The following KIAA1671 variants were observed in gnomAD, a reference collection of about 807,000 sequenced individuals.
KIAA1671 encodes the protein KIAA1671.
Under a neutral mutation model 131.2 loss-of-function variants are expected in KIAA1671, and 52 were observed. That is an observed-to-expected ratio of 0.40 (90% CI 0.32 to 0.50). The LOEUF (loss-of-function observed/expected upper bound fraction) is 0.50, where lower values mean the gene tolerates loss of function less well. Among genes scored for constraint, KIAA1671 ranks in the 20% least tolerant of loss-of-function variants. The pLI is 0.73. For synonymous variants in KIAA1671, 1,003 were observed against 961.6 expected (o/e 1.04, Z -0.80); for missense variants, 2,360 against 2,364.2 (o/e 1.00, Z 0.04).
intron 9 of KIAA1671, among the ~76,000 whole-genome samples, chr22:25,178,157 GC>G (rs920574672): frequency 6.2e-4 from 94 of 152,282 alleles, no homozygotes; most frequent in African/African-American, 2.1e-3. Context: ...TACAAAGACA[GC>G]CTCCCCCACC....
intron 6 of KIAA1671, among the ~76,000 whole-genome samples, chr22:25,166,404 A>G (rs551101403): frequency 2.0e-5 from 3 of 152,182 alleles, no homozygotes; most frequent in East Asian, 3.9e-4. Flanking sequence ...GTTGGACACC[A>G]TTTATCCCCA....
At position 24,990,512 on chromosome 22, in the gene KIAA1671, C is replaced by T. The variant is rs574407798; in HGVS notation, c.-207-35121C>T. On this transcript the variant is annotated intron_variant, in intron 1 of 12. Transcript: ENST00000358431. ...TGGCCCCACACACACCATGCACACA[C>T]CATGCTCACACACATGTGCCTGCCC... is the stretch of plus-strand genomic sequence containing the variant. Among the ~76,000 whole-genome samples the T allele has an allele frequency of 3.9e-5, 6 of 152,366 alleles. No homozygotes were observed. The East Asian group carries it at 1.2e-3, about 29-fold the overall frequency.
At chr22:25,165,898 G>T (rs1224138262) in intron 6 of KIAA1671, among the ~76,000 whole-genome samples, 1 of 152,072 alleles carries the variant, frequency 6.6e-6, no homozygotes, top group Non-Finnish European at 1.5e-5. Context: ...GAGAGGAGGG[G>T]TATGGGAGGA....
At chr22:24,979,366 T>TTTTG (rs1382310165) in intron 1 of KIAA1671, among the ~76,000 whole-genome samples, 1 of 149,746 alleles carries the variant, frequency 6.7e-6, no homozygotes, top group Admixed American at 6.6e-5. Context: ...TTATTTTTTT[T>TTTTG]TGAGACGGAG....
chr22:24,968,641 G>A (rs1922432173), intron 1 of KIAA1671, among the ~76,000 whole-genome samples: 1 of 152,094 alleles, frequency 6.6e-6, no homozygotes, highest in Admixed American at 6.6e-5. Context: ...ATTCTATCTG[G>A]GTGGGTGGTG....
At chr22:25,094,077 A>T (rs17668511) in intron 6 of KIAA1671, among the ~76,000 whole-genome samples, 11,633 of 152,126 alleles carry the variant, frequency 0.076, 536 homozygotes, top group Middle Eastern at 0.1. Flanking sequence ...CTCCCAACTT[A>T]AAGCATCGTT....
intron 1 of KIAA1671, among the ~76,000 whole-genome samples, chr22:24,978,393 A>G (rs1923026659): frequency 6.6e-6 from 1 of 152,150 alleles, no homozygotes; most frequent in Non-Finnish European, 1.5e-5. Context: ...ATGGAACTGT[A>G]AATCCAATTA....
chr22:25,124,667 C>A (rs925110631), intron 6 of KIAA1671, among the ~76,000 whole-genome samples: 2 of 152,210 alleles, frequency 1.3e-5, no homozygotes, highest in African/African-American at 2.4e-5. Flanking sequence ...ATGCCAGGCA[C>A]AGTTGCTATC....
rs142667323 is a variant in KIAA1671 at position 25,118,684 on chromosome 22, A to T, written c.4531-52136A>T. Among the ~76,000 whole-genome samples, 325 of 151,714 alleles carry T rather than the reference A, an allele frequency of 2.1e-3. 1 individual carries two copies. The highest frequency in any genetic ancestry group is 7.2e-3 in the African/African-American group (297 of 41,346). On this transcript the variant is annotated intron_variant, in intron 6 of 12. Coordinates refer to ENST00000358431, the MANE Select transcript of KIAA1671 (RefSeq NM_001145206.2). ...CATCCAGTCCATTCTCCTCCCAACA[A>T]CCCAAGAGATCAGGTCATTCCCCTG...
At chr22:25,078,690 T>C (rs1330831343) in intron 6 of KIAA1671, among the ~76,000 whole-genome samples, 3 of 152,206 alleles carry the variant, frequency 2.0e-5, no homozygotes, top group African/African-American at 7.2e-5. Flanking sequence ...TCTCAGATCA[T>C]AGTGGCTTCA....
intron 1 of KIAA1671, among the ~76,000 whole-genome samples, chr22:24,965,618 T>C (rs533760640): frequency 9.2e-5 from 14 of 151,564 alleles, no homozygotes; most frequent in African/African-American, 3.4e-4. Flanking sequence ...GCGACACCTG[T>C]AATCCCAGCT....
chr22:25,109,572 C>G (rs936909771), intron 6 of KIAA1671, among the ~76,000 whole-genome samples: 1 of 152,220 alleles, frequency 6.6e-6, no homozygotes, highest in Non-Finnish European at 1.5e-5. Context: ...GGACATCTAT[C>G]AGCCATAACC....
chr22:25,062,818 A>ACCCCCGCCCCCCGC (rs1339945705), intron 6 of KIAA1671: 4 of 19,360 alleles, frequency 2.1e-4, no homozygotes, highest in African/African-American at 7.1e-4. Context: ...ACCGGCACCC[A>ACCCCCGCCCCCCGC]CCCCCGCCCC....
chr22:25,108,278 C>T (rs904446554), intron 6 of KIAA1671, among the ~76,000 whole-genome samples: 5 of 152,136 alleles, frequency 3.3e-5, no homozygotes, highest in Non-Finnish European at 5.9e-5. Flanking sequence ...GATTTCCCAC[C>T]CCGATGTCCA....
chr22:25,111,175 G>C (rs1236176231), intron 6 of KIAA1671, among the ~76,000 whole-genome samples: 4 of 152,214 alleles, frequency 2.6e-5, no homozygotes, highest in African/African-American at 9.7e-5. Context: ...GGCAGAAGCC[G>C]TTTCCCAGCA....
At chr22:25,155,399 G>C (rs1184578136) in intron 6 of KIAA1671, among the ~76,000 whole-genome samples, 1 of 151,944 alleles carries the variant, frequency 6.6e-6, no homozygotes, top group African/African-American at 2.4e-5. Context: ...GTGTATTTGT[G>C]TCTGTTTCTA....
At chr22:25,094,583 C>A (rs1930309676) in intron 6 of KIAA1671, among the ~76,000 whole-genome samples, 1 of 152,300 alleles carries the variant, frequency 6.6e-6, no homozygotes, top group African/African-American at 2.4e-5. Context: ...TGCAGCATAA[C>A]CCCCGGGCCT....
At chr22:25,176,288 T>C (rs1369385907) in intron 8 of KIAA1671, 1 of 152,250 alleles carries the variant, frequency 6.6e-6, no homozygotes, top group Admixed American at 6.5e-5. Context: ...ATTGGGACTT[T>C]TGTTACTTAC....
At chr22:24,956,545 G>T (rs944562973) in intron 1 of KIAA1671, among the ~76,000 whole-genome samples, 1 of 152,200 alleles carries the variant, frequency 6.6e-6, no homozygotes, top group African/African-American at 2.4e-5. Flanking sequence ...AATTGAAGGA[G>T]CCTTCCCGGA....
Sources: allele counts gnomAD v4.1 joint callset (sites outside exome capture counted in the v4.1 genomes callset), GRCh38; gene constraint gnomAD v4.1.1; transcripts MANE v1.5; gene names NCBI Gene and HGNC (gene_info 2026-07-23, HGNC 2026-07-21).